The following CLSTN2 variants were observed in gnomAD, a reference collection of about 807,000 sequenced individuals.
CLSTN2 encodes calsyntenin 2.
CLSTN2 carries 48 observed loss-of-function variants against 101.2 expected under a neutral mutation model. The ratio of observed to expected loss-of-function variants is 0.47; its 90% CI spans 0.38 to 0.60. The LOEUF (loss-of-function observed/expected upper bound fraction) is 0.60. Ranked by LOEUF, CLSTN2 falls within the 20% of genes least tolerant of loss-of-function variation. The probability of loss-of-function intolerance (pLI) is 0.00; values close to 1 mark genes in which losing one functional copy is unlikely to be tolerated. For missense variants in CLSTN2, 1,160 were observed against 1,238.2 expected (o/e 0.94, Z 0.95); for synonymous variants, 481 against 463.6 (o/e 1.04, Z -0.48).
intron 2 of CLSTN2, among the ~76,000 whole-genome samples, chr3:140,197,276 A>C (rs564863037): frequency 6.6e-6 from 1 of 152,302 alleles, no homozygotes; most frequent in Admixed American, 6.5e-5. Context: ...CTGGACCCTG[A>C]TGTCAGGCCA....
At chr3:140,237,802 G>A (rs2086430077) in intron 2 of CLSTN2, among the ~76,000 whole-genome samples, 1 of 152,108 alleles carries the variant, frequency 6.6e-6, no homozygotes, top group African/African-American at 2.4e-5. Context: ...ATAGTATGAA[G>A]TGGAAGTCCT....
At chr3:140,225,486 T>TTTG (rs2086310048) in intron 2 of CLSTN2, among the ~76,000 whole-genome samples, 1 of 150,770 alleles carries the variant, frequency 6.6e-6, no homozygotes, top group African/African-American at 2.4e-5. Context: ...GCACTGACAT[T>TTTG]TTTGTTTGTT....
intron 2 of CLSTN2, among the ~76,000 whole-genome samples, chr3:140,400,309 G>A (rs1269889083): frequency 6.6e-6 from 1 of 152,108 alleles, no homozygotes; most frequent in Non-Finnish European, 1.5e-5. Flanking sequence ...AGCAAGACGT[G>A]GTGGACATGC....
intron 8 of CLSTN2, among the ~76,000 whole-genome samples, chr3:140,474,119 A>G (rs1373308159): frequency 6.6e-6 from 1 of 152,136 alleles, no homozygotes; most frequent in Non-Finnish European, 1.5e-5. Flanking sequence ...AATTTGTTAC[A>G]GCAGCAATAG....
At chr3:140,290,991 C>T (rs759408839) in intron 2 of CLSTN2, among the ~76,000 whole-genome samples, 1 of 152,138 alleles carries the variant, frequency 6.6e-6, no homozygotes, top group South Asian at 2.1e-4. Context: ...TTAAAAACAA[C>T]ATAAAATTTA....
chr3:140,348,777 G>A (rs1382985212), intron 2 of CLSTN2, among the ~76,000 whole-genome samples: 1 of 152,158 alleles, frequency 6.6e-6, no homozygotes, highest in Non-Finnish European at 1.5e-5. Context: ...CTGTACTGGA[G>A]GAAATTCCTT....
At chr3:140,203,032 C>A (rs1039402963) in intron 2 of CLSTN2, among the ~76,000 whole-genome samples, 7 of 152,142 alleles carry the variant, frequency 4.6e-5, no homozygotes, top group African/African-American at 1.4e-4. Context: ...AGTGGAACCC[C>A]AAGGTGGGAG....
intron 2 of CLSTN2, among the ~76,000 whole-genome samples, chr3:140,367,584 T>G (rs2087806888): frequency 6.6e-6 from 1 of 151,904 alleles, no homozygotes; most frequent in African/African-American, 2.4e-5. Context: ...ACTTGACTAT[T>G]ACAGAACTAG....
intron 2 of CLSTN2, among the ~76,000 whole-genome samples, chr3:140,368,911 T>C (rs1398245960): frequency 1.3e-5 from 2 of 152,188 alleles, no homozygotes; most frequent in African/African-American, 4.8e-5. Context: ...TCTTACGGTG[T>C]TCTGGGTAAC....
At chr3:140,430,849 C>G (rs1381678766) in intron 5 of CLSTN2, among the ~76,000 whole-genome samples, 1 of 152,224 alleles carries the variant, frequency 6.6e-6, no homozygotes, top group African/African-American at 2.4e-5. Flanking sequence ...GAGAGATTGA[C>G]TGTCTTGCCC....
chr3:140,208,336 T>C (rs2010810428), intron 2 of CLSTN2, among the ~76,000 whole-genome samples: 1 of 152,232 alleles, frequency 6.6e-6, no homozygotes, highest in Non-Finnish European at 1.5e-5. Context: ...GAAATATTTA[T>C]TAATCCTCAA....
chr3:140,138,679 T>G (rs985432943), intron 1 of CLSTN2, among the ~76,000 whole-genome samples: 4 of 152,222 alleles, frequency 2.6e-5, no homozygotes, highest in African/African-American at 4.8e-5. Flanking sequence ...GAGCTATTTT[T>G]CATGCCTGAG....
chr3:140,116,822 T>C (rs986133584), intron 1 of CLSTN2, among the ~76,000 whole-genome samples: 1 of 152,184 alleles, frequency 6.6e-6, no homozygotes, highest in African/African-American at 2.4e-5. Flanking sequence ...CCCTCAGTGA[T>C]GGCTAGATCC....
intron 1 of CLSTN2, among the ~76,000 whole-genome samples, chr3:140,126,001 C>A (rs749278152): frequency 6.6e-6 from 1 of 151,996 alleles, no homozygotes; most frequent in Non-Finnish European, 1.5e-5. Context: ...TGCATTTATA[C>A]TAGAGTGAAT....
intron 5 of CLSTN2, among the ~76,000 whole-genome samples, chr3:140,447,475 T>C (rs6774729): frequency 0.39 from 59,030 of 152,188 alleles, 12,977 homozygotes; most frequent in Middle Eastern, 0.51. Flanking sequence ...CCTGTGTACA[T>C]TCACTTGTAG....
At chr3:140,332,551 G>C (rs1447932746) in intron 2 of CLSTN2, among the ~76,000 whole-genome samples, 1 of 152,084 alleles carries the variant, frequency 6.6e-6, no homozygotes, top group Non-Finnish European at 1.5e-5. Flanking sequence ...ATGTACACTT[G>C]TCTGTAATGA....
chr3:139,994,940 C>T (rs1936177200), intron 1 of CLSTN2, among the ~76,000 whole-genome samples: 1 of 152,174 alleles, frequency 6.6e-6, no homozygotes, highest in Non-Finnish European at 1.5e-5. Flanking sequence ...CTAAATGACT[C>T]AAGTCCCAGG....
At chr3:140,219,521 C>G (rs1488852902) in intron 2 of CLSTN2, among the ~76,000 whole-genome samples, 1 of 152,118 alleles carries the variant, frequency 6.6e-6, no homozygotes, top group Non-Finnish European at 1.5e-5. Context: ...GAGTTCTTTT[C>G]TTCTTGATGT....
chr3:140,428,625 T>C (rs981756539), intron 5 of CLSTN2, among the ~76,000 whole-genome samples: 1 of 152,176 alleles, frequency 6.6e-6, no homozygotes, highest in Non-Finnish European at 1.5e-5. Context: ...TACACCTTGC[T>C]CAGCAGCAAT....
Sources: gnomAD v4.1 joint callset for allele counts (sites outside exome capture counted in the v4.1 genomes callset) on GRCh38, gnomAD v4.1.1 for gene constraint, MANE v1.5 for transcripts, NCBI Gene and HGNC (gene_info 2026-07-23, HGNC 2026-07-21) for gene names.